The following TJP3 variants were observed in gnomAD, a reference collection of about 807,000 sequenced individuals.
TJP3 encodes tight junction protein 3.
TJP3 carries 85 observed loss-of-function variants against 104.2 expected under a neutral mutation model. The observed-to-expected ratio is 0.82, with a 90% confidence interval of 0.68 to 0.98. The LOEUF is 0.98. Among genes scored for constraint, TJP3 ranks in the 50% least tolerant of loss-of-function variants. TJP3 has a pLI of 0.00. For missense variants in TJP3, 1,367 were observed against 1,322.8 expected, an observed-to-expected ratio of 1.03 and a Z score of -0.52; for synonymous variants, 550 against 550.6, an observed-to-expected ratio of 1.00 and a Z score of 0.02.
Position 3,748,077 on chromosome 19 carries a change from C to T in TJP3, c.2606C>T (p.Ala869Val). 1 of 1,560,812 alleles carries T rather than the reference C, an allele frequency of 6.4e-7. No homozygotes were observed. The highest frequency in any genetic ancestry group is 1.2e-5 in the South Asian group (1 of 85,308). Residue 869 changes from alanine to valine, a missense_variant, in exon 19 of 21, where the codon GCC becomes GTC. Coordinates refer to ENST00000541714, the MANE Select transcript of TJP3 (RefSeq NM_001267560.2). The stretch of plus-strand genomic sequence containing the variant: ...GGGAGAATCTCGGCTCATCAGGGGG[C>T]CCAGGTGCGTCGGACATGGGGGGCA... ...DRGRISAHQG[A>V]QVDSRHPQGQ...
intron 18 of TJP3, among the ~76,000 whole-genome samples, 176 bp downstream of exon 18, chr19:3,747,052 T>C (rs117520859): frequency 0.018 from 2,766 of 151,966 alleles, 33 homozygotes; most frequent in Middle Eastern, 0.065. Context: ...TGAGATGAGA[T>C]TGGAGGAGCT....
At chr19:3,709,476 C>T (rs2036413875) in intron 1 of TJP3, among the ~76,000 whole-genome samples, 1 of 152,120 alleles carries the variant, frequency 6.6e-6, no homozygotes, top group Non-Finnish European at 1.5e-5. Context: ...CGCTCAGAGC[C>T]AGAGAGGGGA....
chr19:3,731,822 C>T, intron 5 of TJP3, 113 bp from the exon 6 acceptor site: 1 of 720,672 alleles, frequency 1.4e-6, no homozygotes, highest in East Asian at 2.8e-5. Context: ...CCTTATGATG[C>T]CATCAAGGTG....
chr19:3,750,062 G>A, intron 19 of TJP3, 76 bp from the exon 20 acceptor site: 1 of 1,594,582 alleles, frequency 6.3e-7, no homozygotes, highest in Non-Finnish European at 8.6e-7. Context: ...TGGGGGATGG[G>A]ATGGAGGTGG....
chr19:3,739,957 G>C (rs532296167), intron 13 of TJP3, among the ~76,000 whole-genome samples: 1 of 152,234 alleles, frequency 6.6e-6, no homozygotes, highest in Non-Finnish European at 1.5e-5. Flanking sequence ...CTGCAGGCCA[G>C]GCACGGTGGC....
At chr19:3,748,227 G>C (rs2036933327) in intron 19 of TJP3, 146 bp downstream of exon 19, 1 of 1,070,222 alleles carries the variant, frequency 9.3e-7, no homozygotes, top group South Asian at 1.7e-5. Flanking sequence ...ACTCAGACCT[G>C]GGGTAGCTGA....
At chr19:3,737,278 T>C (rs1177561093) in intron 11 of TJP3, among the ~76,000 whole-genome samples, 1 of 136,176 alleles carries the variant, frequency 7.3e-6, no homozygotes, top group Non-Finnish European at 1.7e-5. Flanking sequence ...GTCAGGACTT[T>C]GGGTCACAGC....
chr19:3,722,182 T>C (rs2036548473), intron 1 of TJP3, among the ~76,000 whole-genome samples: 2 of 152,100 alleles, frequency 1.3e-5, no homozygotes, highest in South Asian at 4.1e-4. Context: ...CAGGGCTGGG[T>C]TCAAATCCCG....
At chr19:3,740,277 G>A (rs146243807) in intron 13 of TJP3, among the ~76,000 whole-genome samples, 4,096 of 151,640 alleles carry the variant, frequency 0.027, 72 homozygotes, top group Middle Eastern at 0.093. Flanking sequence ...GCGTGGTGGC[G>A]GGCACCTGTA....
chr19:3,733,979 G>C, intron 7 of TJP3, 67 bp downstream of exon 7: 1 of 1,564,818 alleles, frequency 6.4e-7, no homozygotes, highest in Admixed American at 1.9e-5. Context: ...GGAAGCCCCA[G>C]GCAGGGCCAA....
At chr19:3,732,141 G>A (rs1002123877) in intron 6 of TJP3, 103 bp downstream of exon 6, 2 of 887,370 alleles carry the variant, frequency 2.3e-6, no homozygotes, top group African/African-American at 3.4e-5. Flanking sequence ...GGGCCCCAAA[G>A]CATTTACCTT....
Position 3,733,805 on chromosome 19 carries a change from T to G in TJP3, c.770T>G (p.Ile257Ser), listed in dbSNP as rs192628262. The change falls in exon 7 of 21, where the codon ATT (isoleucine) becomes AGT (serine). Residue 257 changes from isoleucine to serine, a missense_variant. Coordinates refer to ENST00000541714, the MANE Select transcript of TJP3 (RefSeq NM_001267560.2). ...NLSLNDTRRL[I>S]EKSEGKLSLL... ...TCACTGAACGACACCCGGCGACTGA[T>G]TGAGAAGTCAGAAGGGAAGCTAAGC... 1 of 1,614,166 alleles carries G rather than the reference T, an allele frequency of 6.2e-7. No homozygotes were observed. The highest frequency in any genetic ancestry group is 8.5e-7 in the Non-Finnish European group (1 of 1,180,028).
chr19:3,726,132 C>T (rs1028112953), intron 1 of TJP3, among the ~76,000 whole-genome samples: 7 of 152,226 alleles, frequency 4.6e-5, no homozygotes, highest in Non-Finnish European at 7.3e-5. Context: ...GAAAACCCGC[C>T]CCGGGGAGGA....
Position 3,746,177 on chromosome 19 carries a change from C to A in TJP3, c.2010+96C>A. 2.4e-6 allele frequency: 3 copies of A among 1,246,484 alleles called. No homozygotes were observed. Among genetic ancestry groups the A allele is most frequent in the Non-Finnish European group, 3.4e-6 (3 of 873,708 alleles). 77.2% of individuals were successfully genotyped at this position (1,246,484 alleles called of 1,614,324 possible). ...GTCCTGACCTGTTCTCAGCCCACAC[C>A]CCACAAGTGCAGTCTTCCATAGAGC... is the stretch of plus-strand genomic sequence containing the variant. On this transcript the variant is annotated intron_variant, in intron 16 of 20. Coordinates refer to ENST00000541714, the MANE Select transcript of TJP3 (RefSeq NM_001267560.2). This position sits in a 1 kb window ranked among gnomAD's most constrained non-coding sequence, Gnocchi z 4.1.
chr19:3,712,555 G>A (rs936480220), intron 1 of TJP3, among the ~76,000 whole-genome samples: 2 of 152,100 alleles, frequency 1.3e-5, no homozygotes, highest in Non-Finnish European at 2.9e-5. Flanking sequence ...TTTTACAGAT[G>A]AGGAAGCTGA....
intron 3 of TJP3, among the ~76,000 whole-genome samples, chr19:3,729,095 G>A (rs1331627740): frequency 6.6e-6 from 1 of 152,080 alleles, no homozygotes; most frequent in Non-Finnish European, 1.5e-5. Context: ...TTGTGAGCCT[G>A]GCACTTTCCA....
chr19:3,748,567 C>CT (rs754151380), intron 19 of TJP3, among the ~76,000 whole-genome samples: 1,312 of 107,868 alleles, frequency 0.012, 12 homozygotes, highest in East Asian at 0.016. Flanking sequence ...TGCACCCAGG[C>CT]TTTTTTTTTT....
chr19:3,716,110 T>C (rs2036474976), intron 1 of TJP3, among the ~76,000 whole-genome samples: 1 of 135,820 alleles, frequency 7.4e-6, no homozygotes, highest in African/African-American at 2.5e-5. Flanking sequence ...TCTTGCTCCA[T>C]TGCCCAGGCT....
intron 13 of TJP3, among the ~76,000 whole-genome samples, chr19:3,740,167 G>A (rs929713822): frequency 1.3e-5 from 2 of 152,094 alleles, no homozygotes; most frequent in Non-Finnish European, 2.9e-5. Context: ...GGGAGGCGGA[G>A]GTTGCAGTGA....
Sources: gnomAD v4.1 joint callset for allele counts (sites outside exome capture counted in the v4.1 genomes callset) on GRCh38, gnomAD v4.1.1 for gene constraint, Gnocchi (gnomAD v3.1) non-coding constraint, MANE v1.5 for transcripts, NCBI Gene and HGNC (gene_info 2026-07-23, HGNC 2026-07-21) for gene names.